The following NPLOC4 variants were observed in gnomAD, a reference collection of about 807,000 sequenced individuals.
NPLOC4 encodes NPL4 homolog, ubiquitin recognition factor.
In NPLOC4, 18 loss-of-function variants were observed where a neutral mutation model predicts 80.6. That is an observed-to-expected ratio of 0.22 (90% CI 0.15 to 0.33). The LOEUF (loss-of-function observed/expected upper bound fraction) is 0.33, where lower values mean the gene tolerates loss of function less well. Among genes scored for constraint, NPLOC4 ranks in the 10% least tolerant of loss-of-function variants. The pLI, the probability that NPLOC4 is intolerant of heterozygous loss-of-function variation, is 1.00. For synonymous variants in NPLOC4, 313 were observed against 301.5 expected (o/e 1.04, Z -0.39); for missense variants, 540 against 786.1 (o/e 0.69, Z 3.74).
Position 81,610,681 on chromosome 17 carries a change from G to C in NPLOC4, c.387-423C>G, listed in dbSNP as rs371479866. 2.2e-5 allele frequency among the ~76,000 whole-genome samples: 2 copies of C among 92,624 alleles called. 1 individual carries two copies. The highest frequency in any genetic ancestry group is 2.0e-4 in the Admixed American group (2 of 10,050). The allele number at this position is 92,624 out of a possible 152,430, so 60.8% of individuals were successfully genotyped here. On this transcript the variant is annotated intron_variant, in intron 4 of 16. Coordinates refer to ENST00000331134, the MANE Select transcript of NPLOC4 (RefSeq NM_017921.4). ...AAATGACACAAACCAGGCCGGGCGCGGTGGCTCACGCCTGTAATCCCAGCA... is the reference window on the plus strand; with the variant it reads ...AAATGACACAAACCAGGCCGGGCGCCGTGGCTCACGCCTGTAATCCCAGCA...
At chr17:81,618,276 C>G (rs573208674) in intron 3 of NPLOC4, among the ~76,000 whole-genome samples, 2 of 150,698 alleles carry the variant, frequency 1.3e-5, no homozygotes, top group Non-Finnish European at 3.0e-5. Context: ...GGCCGCCCAT[C>G]GTCTGAGATG....
chr17:81,622,101 C>T, intron 3 of NPLOC4, 65 bp downstream of exon 3: 1 of 1,205,130 alleles, frequency 8.3e-7, no homozygotes, highest in South Asian at 1.2e-5. Flanking sequence ...AACTCGGCAA[C>T]CTCGGGCAGA....
In NPLOC4 at chr17:81,557,279, ACT is replaced by A. The variant is rs2033670914; in HGVS notation, c.*1978_*1979del. ...CCCCAAGCCTGTATGCTTAGCTCTG[ACT>A]CTCTTTGGACAATAAAATAAAGTGC... is the stretch of plus-strand genomic sequence containing the variant. On this transcript the variant is annotated 3_prime_UTR_variant, in exon 17 of 17. Coordinates refer to ENST00000331134, the MANE Select transcript of NPLOC4 (RefSeq NM_017921.4). 6.6e-6 allele frequency: 1 copy of A among 152,414 alleles called. No homozygotes were observed. Among genetic ancestry groups the A allele is most frequent in the Non-Finnish European group, 1.5e-5 (1 of 68,036 alleles). 9.4% of individuals were successfully genotyped at this position (152,414 alleles called of 1,614,324 possible).
chr17:81,586,188 G>A (rs1056558833), intron 12 of NPLOC4, among the ~76,000 whole-genome samples: 1 of 152,174 alleles, frequency 6.6e-6, no homozygotes, highest in African/African-American at 2.4e-5. Context: ...CACTGAGATG[G>A]AAAGCCCCTT....
chr17:81,600,573 C>T (rs1598652920), intron 8 of NPLOC4, 146 bp from the exon 9 acceptor site: 1 of 639,026 alleles, frequency 1.6e-6, no homozygotes, highest in Non-Finnish European at 2.8e-6. Context: ...AGATAAAACA[C>T]ATGCGACACG....
chr17:81,559,183 G>A lies in NPLOC4; in HGVS notation c.*76C>T, dbSNP rs2033760045. On this transcript the variant is annotated 3_prime_UTR_variant, in exon 17 of 17. Transcript: ENST00000331134. The stretch of plus-strand genomic sequence containing the variant: ...CTGCCCACTATGGGGCAGTTACAGG[G>A]AACACACTCAGCAACGCTTCTGGCT... The A allele has an allele frequency of 1.4e-6, 2 of 1,471,260 alleles. No individual in the cohort carries two copies. Among genetic ancestry groups the A allele is most frequent in the Non-Finnish European group, 1.8e-6 (2 of 1,099,420 alleles). 91.1% of individuals were successfully genotyped at this position (1,471,260 alleles called of 1,614,324 possible).
At chr17:81,608,902 G>C in intron 5 of NPLOC4, 80 bp from the exon 6 acceptor site, 1 of 1,113,026 alleles carries the variant, frequency 9.0e-7, no homozygotes. Context: ...ACGCACAGGG[G>C]GAGGCCAGCA....
intron 9 of NPLOC4, among the ~76,000 whole-genome samples, chr17:81,599,060 G>A (rs1472270745): frequency 2.0e-5 from 3 of 152,354 alleles, no homozygotes; most frequent in African/African-American, 2.4e-5. Flanking sequence ...AGACCAAGGC[G>A]GGTGGATCAC....
At chr17:81,560,331 T>C (rs1056747743) in intron 16 of NPLOC4, among the ~76,000 whole-genome samples, 5 of 152,046 alleles carry the variant, frequency 3.3e-5, no homozygotes, top group African/African-American at 9.7e-5. Flanking sequence ...GAGAATCCCA[T>C]GAACCCGGGA....
intron 13 of NPLOC4, 75 bp from the exon 14 acceptor site, chr17:81,569,186 ATC>A: frequency 1.1e-6 from 1 of 941,094 alleles, no homozygotes. Context: ...AGCCCAGAGC[ATC>A]TCCCAGAGCC....
chr17:81,622,310 T>C (rs1474686760), intron 2 of NPLOC4, 32 bp from the exon 3 acceptor site: 6 of 1,478,264 alleles, frequency 4.1e-6, no homozygotes, highest in Non-Finnish European at 5.7e-6. Flanking sequence ...AGAAATTTAA[T>C]GAAATGCTAA....
chr17:81,582,739 G>A (rs926738093), intron 12 of NPLOC4, among the ~76,000 whole-genome samples: 1 of 152,258 alleles, frequency 6.6e-6, no homozygotes, highest in East Asian at 1.9e-4. Flanking sequence ...ACAGAAGACA[G>A]TCAAGCGCCT....
rs1755002216 is a variant in NPLOC4, at chr17:81,577,079, C to A, written c.1282-4991G>T. On this transcript the variant is annotated intron_variant, in intron 12 of 16. Transcript: ENST00000331134. The surrounding 1 kb of genome is among the most constrained non-coding windows in gnomAD (Gnocchi z 4.3). ...CAGTGCCAGATGCCAACAAACCCCACGGCCTGCTGAGTAAGCAATGCCTGG... is the reference window on the plus strand; with the variant it reads ...CAGTGCCAGATGCCAACAAACCCCAAGGCCTGCTGAGTAAGCAATGCCTGG... Among the ~76,000 whole-genome samples the A allele has an allele frequency of 6.6e-6, 1 of 152,204 alleles. No individual in the cohort carries two copies. Among genetic ancestry groups the A allele is most frequent in the South Asian group, 2.1e-4 (1 of 4,832 alleles).
At position 81,567,947 on chromosome 17, in the gene NPLOC4, C is replaced by T. The variant is rs1355033754; in HGVS notation, c.1450-414G>A. On this transcript the variant is annotated intron_variant, in intron 14 of 16. Transcript: ENST00000331134. This position sits in a 1 kb window ranked among gnomAD's most constrained non-coding sequence, Gnocchi z 4.5. ...AAAAAAAATTACCCAGGCTTGGTGG[C>T]GCGCACCTATAATCCCAGCTACTCA... is the stretch of plus-strand genomic sequence containing the variant. The T allele has an allele frequency of 9.8e-5, 18 of 183,212 alleles. No homozygotes were observed. Among genetic ancestry groups the T allele is most frequent in the Admixed American group, 1.6e-4 (3 of 18,398 alleles). 11.3% of individuals were successfully genotyped at this position (183,212 alleles called of 1,614,324 possible). A position where few individuals can be genotyped will look rare whatever the true frequency, so the allele number is the denominator to read the frequency against.
chr17:81,628,852 T>TAAA (rs1265225613), intron 2 of NPLOC4, among the ~76,000 whole-genome samples: 2 of 151,658 alleles, frequency 1.3e-5, no homozygotes, highest in Non-Finnish European at 2.9e-5. Context: ...GATGATTCTT[T>TAAA]GAGTCAACTG....
At chr17:81,585,976 G>A (rs1360277632) in intron 12 of NPLOC4, among the ~76,000 whole-genome samples, 2 of 151,960 alleles carry the variant, frequency 1.3e-5, no homozygotes, top group African/African-American at 4.8e-5. Context: ...GTGACAGAGC[G>A]AGATGCTGTT....
chr17:81,604,798 AACC>A, intron 7 of NPLOC4, 71 bp from the exon 8 acceptor site: 1 of 1,330,790 alleles, frequency 7.5e-7, no homozygotes. Context: ...TTCTAACACA[AACC>A]ATTCATAAAT....
At chr17:81,579,934 C>T (rs921038771) in intron 12 of NPLOC4, among the ~76,000 whole-genome samples, 2 of 152,034 alleles carry the variant, frequency 1.3e-5, no homozygotes, top group Non-Finnish European at 2.9e-5. Flanking sequence ...TCTCGGCAGC[C>T]GCTTATCTAC....
At chr17:81,608,179 C>CA (rs2035253259) in intron 6 of NPLOC4, among the ~76,000 whole-genome samples, 1 of 152,234 alleles carries the variant, frequency 6.6e-6, no homozygotes. Flanking sequence ...CAAGCTGACT[C>CA]AGAGGCCAGG....
Sources: allele counts gnomAD v4.1 joint callset (sites outside exome capture counted in the v4.1 genomes callset), GRCh38; gene constraint gnomAD v4.1.1; non-coding constraint Gnocchi (gnomAD v3.1); transcripts MANE v1.5; gene names NCBI Gene and HGNC (gene_info 2026-07-23, HGNC 2026-07-21).